PFKFB3: variants seen among roughly 807,000 people sequenced by gnomAD.
The protein encoded by PFKFB3 is 6-phosphofructo-2-kinase/fructose-2,6-biphosphatase 3, also known as 6-phosphofructo-2-kinase/fructose-2,6-bisphosphatase 3.
PFKFB3 carries 33 observed loss-of-function variants against 68.0 expected under a neutral mutation model. The observed-to-expected ratio is 0.49, with a 90% CI of 0.37 to 0.65. The LOEUF is 0.65. Ranked by LOEUF, PFKFB3 falls within the 30% of genes least tolerant of loss-of-function variation. The pLI is 0.00. For missense variants in PFKFB3, 586 were observed against 712.2 expected, an observed-to-expected ratio of 0.82 and a Z score of 2.02; for synonymous variants, 315 against 288.2, an observed-to-expected ratio of 1.09 and a Z score of -0.94.
the PFKFB3 span, among the ~76,000 whole-genome samples, chr10:6,316,904 G>A: frequency 2.6e-5 from 4 of 152,100 alleles, no homozygotes; most frequent in Admixed American, 1.3e-4. Context: ...CCCTCCCCCT[G>A]CCCAATTGCA....
At chr10:6,149,782 C>T (rs1277298248) in intron 1 of PFKFB3, 1 of 154,474 alleles carries the variant, frequency 6.5e-6, no homozygotes, top group Admixed American at 6.6e-5. Flanking sequence ...TGACCATCCC[C>T]AATAGAGGAG....
rs112692433 is a variant in PFKFB3 at position 6,180,963 on chromosome 10, G to A, written c.17-32660G>A. On this transcript the variant is annotated intron_variant, in intron 1 of 14. Coordinates refer to the PFKFB3 transcript ENST00000379789. The stretch of plus-strand genomic sequence containing the variant: ...CCTCTTTAAAAGATAAAGTTTGGAA[G>A]TGAAACAGAGACTAGAACAGATATT... Among the ~76,000 whole-genome samples the A allele has an allele frequency of 5.5e-3, 841 of 152,294 alleles. 8 individuals carry two copies. The highest frequency in any genetic ancestry group is 0.019 in the African/African-American group (796 of 41,552).
At chr10:6,302,867 T>C in the PFKFB3 span, among the ~76,000 whole-genome samples, 1 of 152,142 alleles carries the variant, frequency 6.6e-6, no homozygotes, top group Admixed American at 6.5e-5. Context: ...AAGTCATCTT[T>C]GAAATTTAGA....
At chr10:6,166,266 C>G (rs1842136800) in intron 1 of PFKFB3, among the ~76,000 whole-genome samples, 2 of 151,866 alleles carry the variant, frequency 1.3e-5, no homozygotes, top group South Asian at 4.2e-4. Flanking sequence ...AAGGTGTGAG[C>G]TACCGTGGTA....
the PFKFB3 span, among the ~76,000 whole-genome samples, chr10:6,277,153 G>A: frequency 1.3e-5 from 2 of 152,110 alleles, no homozygotes; most frequent in African/African-American, 2.4e-5. Flanking sequence ...AATCCCCAGT[G>A]CTGCAGGTGG....
chr10:6,175,993 A>G (rs112789514), intron 1 of PFKFB3, among the ~76,000 whole-genome samples: 2 of 152,248 alleles, frequency 1.3e-5, no homozygotes, highest in South Asian at 2.1e-4. Flanking sequence ...GCGTAGACGC[A>G]TGCACTCAAG....
chr10:6,210,048 G>GGTGCACCCCTCTCTTGTTCTGCA (rs1294381155), intron 1 of PFKFB3, among the ~76,000 whole-genome samples: 15 of 122,956 alleles, frequency 1.2e-4, no homozygotes, highest in South Asian at 3.0e-4. Context: ...CACCGTGCCC[G>GGTGCACCCCTCTCTTGTTCTGCA]GCCTAATACT....
chr10:6,148,653 G>C (rs974880929), intron 1 of PFKFB3, among the ~76,000 whole-genome samples: 1 of 152,214 alleles, frequency 6.6e-6, no homozygotes, highest in African/African-American at 2.4e-5. Context: ...AAATTCATGA[G>C]ACGAAAAGGA....
At chr10:6,176,494 A>G (rs1047385227) in intron 1 of PFKFB3, among the ~76,000 whole-genome samples, 3 of 152,144 alleles carry the variant, frequency 2.0e-5, no homozygotes, top group Admixed American at 2.0e-4. Context: ...TGCAACCTCG[A>G]ATCCTGGGCT....
At chr10:6,188,736 G>T (rs1564607304) in intron 1 of PFKFB3, among the ~76,000 whole-genome samples, 1 of 151,760 alleles carries the variant, frequency 6.6e-6, no homozygotes, top group Non-Finnish European at 1.5e-5. Flanking sequence ...GAATCATACG[G>T]TGTTTTTCTT....
the PFKFB3 span, among the ~76,000 whole-genome samples, chr10:6,286,647 G>A: frequency 6.6e-6 from 1 of 152,176 alleles, no homozygotes. Context: ...CAAAGTGCTG[G>A]GTTTATACAT....
chr10:6,177,770 C>T (rs1588427155), intron 1 of PFKFB3, among the ~76,000 whole-genome samples: 1 of 152,162 alleles, frequency 6.6e-6, no homozygotes, highest in Admixed American at 6.6e-5. Context: ...GTGATCTATC[C>T]GCCTTGGCCT....
chr10:6,217,835 G>C (rs918092910), intron 6 of PFKFB3, among the ~76,000 whole-genome samples: 2 of 152,228 alleles, frequency 1.3e-5, no homozygotes, highest in African/African-American at 4.8e-5. Flanking sequence ...GCCACCCTGT[G>C]TTGGAGATAA....
chr10:6,218,404 T>C (rs1358718059), intron 6 of PFKFB3, among the ~76,000 whole-genome samples: 1 of 121,386 alleles, frequency 8.2e-6, no homozygotes, highest in Non-Finnish European at 1.7e-5. Flanking sequence ...ATCTTAATCA[T>C]TTTTATTATT....
At chr10:6,293,342 TTTTCTTTC>T in the PFKFB3 span, 1 of 290,194 alleles carries the variant, frequency 3.4e-6, no homozygotes, top group Non-Finnish European at 6.8e-6. Context: ...GGATGTTATC[TTTTCTTTC>T]TTTCTTTCTT....
chr10:6,319,684 T>TAA, the PFKFB3 span, among the ~76,000 whole-genome samples: 39 of 150,662 alleles, frequency 2.6e-4, no homozygotes, highest in African/African-American at 8.8e-4. Context: ...TGTAAAATTG[T>TAA]AAAAAAAAAA....
At chr10:6,307,480 A>G in the PFKFB3 span, among the ~76,000 whole-genome samples, 1 of 152,048 alleles carries the variant, frequency 6.6e-6, no homozygotes, top group Non-Finnish European at 1.5e-5. Context: ...TTAGGACTAT[A>G]GACTGTAGTT....
In PFKFB3 at chr10:6,215,432, A is replaced by ATAAGGCTGGGCTGCGGGGCTGCGGGTG. The variant is rs531189031; in HGVS notation, c.299+133_299+159dup. 6 of 764,026 alleles carry ATAAGGCTGGGCTGCGGGGCTGCGGGTG rather than the reference A, an allele frequency of 7.9e-6. No homozygotes were observed. Among genetic ancestry groups the ATAAGGCTGGGCTGCGGGGCTGCGGGTG allele is most frequent in the Middle Eastern group, 3.3e-4 (1 of 3,012 alleles). The allele number at this position is 764,026 out of a possible 1,614,324, so 47.3% of individuals were successfully genotyped here. ...GCGGGCGTAGGGCTGGGCTGTGGGA[A>ATAAGGCTGGGCTGCGGGGCTGCGGGTG]TAAGGCTGGGCTGCGGGGCTGCGGG... On this transcript the variant is annotated intron_variant, in intron 3 of 14. Transcript: ENST00000379775. This position sits in a 1 kb window ranked among gnomAD's most constrained non-coding sequence, Gnocchi z 4.3.
At chr10:6,170,527 G>A (rs192525827) in intron 1 of PFKFB3, among the ~76,000 whole-genome samples, 259 of 152,340 alleles carry the variant, frequency 1.7e-3, no homozygotes, top group Middle Eastern at 3.4e-3. Flanking sequence ...GGGCCACATA[G>A]ACCTCCTTCC....
Sources: allele counts gnomAD v4.1 joint callset (sites outside exome capture counted in the v4.1 genomes callset), GRCh38; gene constraint gnomAD v4.1.1; non-coding constraint Gnocchi (gnomAD v3.1); transcripts MANE v1.5; gene names NCBI Gene and HGNC (gene_info 2026-07-23, HGNC 2026-07-21).